LAMB1: variants seen among roughly 807,000 people sequenced by gnomAD.
The protein encoded by LAMB1 is laminin subunit beta-1.
A neutral mutation model predicts 222.3 loss-of-function variants in LAMB1; 121 were observed. The ratio of observed to expected loss-of-function variants is 0.54; its 90% confidence interval spans 0.47 to 0.63. The LOEUF (loss-of-function observed/expected upper bound fraction) is 0.63. Ranked by LOEUF, LAMB1 falls within the 30% of genes least tolerant of loss-of-function variation. LAMB1 has a pLI of 0.00. For synonymous variants in LAMB1, 794 were observed against 807.2 expected (o/e 0.98, Z 0.28); for missense variants, 2,172 against 2,240.8 (o/e 0.97, Z 0.62).
intron 8 of LAMB1, 60 bp downstream of exon 8, chr7:107,980,549 T>G (rs965410368): frequency 5.8e-5 from 80 of 1,376,160 alleles, no homozygotes; most frequent in Non-Finnish European, 7.5e-5. Flanking sequence ...AAGACTAGCT[T>G]CACTTTGCAT....
intron 28 of LAMB1, 174 bp from the exon 29 acceptor site, chr7:107,931,674 C>A: frequency 1.6e-6 from 1 of 636,308 alleles, no homozygotes; most frequent in Non-Finnish European, 2.7e-6. Context: ...TGCAAGTATT[C>A]AGTATAGAGA....
intron 20 of LAMB1, 43 bp from the exon 21 acceptor site, chr7:107,955,673 C>A (rs770704545): frequency 1.3e-6 from 2 of 1,543,832 alleles, no homozygotes; most frequent in South Asian, 2.4e-5. Flanking sequence ...CCCCACAGTT[C>A]TAAGAAACCT....
rs1397973572 is a variant in LAMB1, at chr7:108,002,920, G to T, written c.-35C>A. On this transcript the variant is annotated 5_prime_UTR_variant, in exon 2 of 34. Transcript: ENST00000222399. The stretch of plus-strand genomic sequence containing the variant: ...CTGCAGCCACGGGGACGCGGCAGAG[G>T]AGTGGAGAAGACGCCCGCCGAGCCG... The T allele has an allele frequency of 6.2e-7, 1 of 1,612,622 alleles. No individual in the cohort carries two copies.
intron 23 of LAMB1, 43 bp downstream of exon 23, chr7:107,951,966 A>G: frequency 6.5e-7 from 1 of 1,531,912 alleles, no homozygotes; most frequent in Non-Finnish European, 8.9e-7. Flanking sequence ...ATGGGCTGAC[A>G]CCTGAGCTCA....
In LAMB1 at chr7:108,002,896, T is replaced by A; in HGVS notation, c.-11A>T. Reference sequence around the variant, plus strand: ...CTGGAGAAGCCCCATGCCGGCTCCCTGCAGCCACGGGGACGCGGCAGAGGA... The same window carrying A: ...CTGGAGAAGCCCCATGCCGGCTCCCAGCAGCCACGGGGACGCGGCAGAGGA... On this transcript the variant is annotated 5_prime_UTR_variant, in exon 2 of 34. Coordinates refer to ENST00000222399, the MANE Select transcript of LAMB1 (RefSeq NM_002291.3). 1 of 1,613,808 alleles carries A rather than the reference T, an allele frequency of 6.2e-7. No homozygotes were observed. Among genetic ancestry groups the A allele is most frequent in the Non-Finnish European group, 8.5e-7 (1 of 1,179,940 alleles).
intron 7 of LAMB1, among the ~76,000 whole-genome samples, chr7:107,983,216 T>C (rs981222210): frequency 6.6e-6 from 1 of 152,212 alleles, no homozygotes; most frequent in Non-Finnish European, 1.5e-5. Context: ...AGCATTTTTC[T>C]GGCAATATTC....
intron 27 of LAMB1, among the ~76,000 whole-genome samples, chr7:107,933,986 ATT>A (rs1157502197): frequency 6.8e-6 from 1 of 147,768 alleles, no homozygotes; most frequent in African/African-American, 2.5e-5. Context: ...GTGATAACTG[ATT>A]TTTTTTTTTT....
chr7:107,963,023 A>G lies in LAMB1; in HGVS notation c.1739T>C (p.Ile580Thr). 7 of 1,614,012 alleles carry G rather than the reference A, an allele frequency of 4.3e-6. No individual in the cohort carries two copies. Among genetic ancestry groups the G allele is most frequent in the Non-Finnish European group, 5.9e-6 (7 of 1,179,918 alleles). Residue 580 changes from isoleucine (I) to threonine (T), a missense_variant, in exon 15 of 34, where the codon ATT becomes ACT. Ile to Thr is a moderately conservative substitution (Grantham distance 89, BLOSUM62 -1). Transcript: ENST00000222399. ...IVERQYIQDR[I>T]PSWTGAGFVR... ...GAAGCCGGCTCCAGTCCAGGAGGGA[A>G]TCCGGTCCTGGATATATTGCCGCTC...
chr7:107,990,080 C>T (rs915172620), intron 5 of LAMB1, among the ~76,000 whole-genome samples: 5 of 151,888 alleles, frequency 3.3e-5, no homozygotes, highest in Non-Finnish European at 5.9e-5. Flanking sequence ...GCTCTGTTGC[C>T]CAGGCTGGAG....
chr7:107,985,497 CGG>C (rs1442041431), intron 7 of LAMB1, among the ~76,000 whole-genome samples: 2 of 151,818 alleles, frequency 1.3e-5, no homozygotes, highest in African/African-American at 4.8e-5. Context: ...GGCATGGTGG[CGG>C]GCACCTGTAA....
At chr7:107,932,715 C>G (rs1256227274) in intron 27 of LAMB1, 1 of 304,126 alleles carries the variant, frequency 3.3e-6, no homozygotes, top group African/African-American at 2.2e-5. Flanking sequence ...TCCTTTTTTT[C>G]TAACCAGTTA....
Position 107,958,451 on chromosome 7 carries a change from C to T in LAMB1, c.2690+798G>A, listed in dbSNP as rs570164423. Among the ~76,000 whole-genome samples, 5 of 152,340 alleles carry T rather than the reference C, an allele frequency of 3.3e-5. No individual in the cohort carries two copies. In the South Asian group the frequency reaches 1.0e-3, roughly 32 times the overall value. ...TTCTCTTTCACCTGATGAGTAACTT[C>T]ACCACTGACTGAAGCACTTGCTGCA... is the stretch of plus-strand genomic sequence containing the variant. On this transcript the variant is annotated intron_variant, in intron 20 of 33. Coordinates refer to ENST00000222399, the MANE Select transcript of LAMB1 (RefSeq NM_002291.3).
intron 24 of LAMB1, 170 bp downstream of exon 24, chr7:107,951,056 T>G: frequency 1.4e-5 from 8 of 579,226 alleles, no homozygotes; most frequent in East Asian, 3.0e-5. Context: ...CAGGGCTAGA[T>G]TTGTTAGATT....
rs1020646708 is a variant in LAMB1 at position 108,002,760 on chromosome 7, G to A, written c.37+89C>T. Reference sequence around the variant, plus strand: ...TCCAGTCCCTCTCCCAAGCCCCCAGGATCCCACGAAGGTGAGCAAGCAGCT... The same window carrying A: ...TCCAGTCCCTCTCCCAAGCCCCCAGAATCCCACGAAGGTGAGCAAGCAGCT... On this transcript the variant is annotated intron_variant, in intron 2 of 33. Transcript: ENST00000222399. The A allele has an allele frequency of 1.0e-5, 16 of 1,563,736 alleles. No homozygotes were observed. In the African/African-American group the frequency reaches 1.5e-4, roughly 15 times the overall value.
chr7:107,931,628 T>C, intron 28 of LAMB1, 128 bp from the exon 29 acceptor site: 1 of 850,528 alleles, frequency 1.2e-6, no homozygotes, highest in Non-Finnish European at 1.9e-6. Context: ...GGGAAACAAC[T>C]TTCTCCCATT....
At chr7:107,974,770 G>T (rs1442315232) in intron 12 of LAMB1, among the ~76,000 whole-genome samples, 1 of 152,196 alleles carries the variant, frequency 6.6e-6, no homozygotes, top group Non-Finnish European at 1.5e-5. Flanking sequence ...TATAAAAGTG[G>T]TATTTTATTG....
intron 13 of LAMB1, among the ~76,000 whole-genome samples, chr7:107,965,005 T>C (rs1230307025): frequency 6.6e-6 from 1 of 152,196 alleles, no homozygotes; most frequent in Non-Finnish European, 1.5e-5. Flanking sequence ...GCTTATTTCC[T>C]GAGATTTAGG....
At position 107,935,611 on chromosome 7, in the gene LAMB1, G is replaced by A. The variant is rs201636713; in HGVS notation, c.3992C>T (p.Ala1331Val). Reference protein sequence around the residue: ...ITKYFQMSLEAEERVNASTTE... With the variant: ...ITKYFQMSLEVEERVNASTTE... ...GGTGGAGGCATTCACCCTCTCCTCT[G>A]CCTCAAGAGACATCTGGAAATACTT... The change falls in exon 27 of 34, where the codon GCA (alanine) becomes GTA (valine). Residue 1331 changes from alanine to valine, a missense_variant. By Grantham distance (64) the Ala-to-Val change is moderately conservative (BLOSUM62 0). Coordinates refer to ENST00000222399, the MANE Select transcript of LAMB1 (RefSeq NM_002291.3). The A allele has an allele frequency of 2.5e-6, 4 of 1,613,824 alleles. No homozygotes were observed. In the South Asian group the frequency reaches 4.4e-5, roughly 18 times the overall value.
intron 3 of LAMB1, among the ~76,000 whole-genome samples, chr7:108,000,411 A>T (rs2034359858): frequency 6.6e-6 from 1 of 151,570 alleles, no homozygotes; most frequent in African/African-American, 2.4e-5. Flanking sequence ...CACACACAAT[A>T]CTCTGTCCTC....
Sources: gnomAD v4.1 joint callset for allele counts (sites outside exome capture counted in the v4.1 genomes callset) on GRCh38, gnomAD v4.1.1 for gene constraint, MANE v1.5 for transcripts, NCBI Gene and HGNC (gene_info 2026-07-23, HGNC 2026-07-21) for gene names.